The following C2CD2 variants were observed in gnomAD, a reference collection of about 807,000 sequenced individuals.
C2CD2 encodes C2 calcium dependent domain containing 2.
A neutral mutation model predicts 74.3 loss-of-function variants in C2CD2; 43 were observed. The ratio of observed to expected loss-of-function variants is 0.58; its 90% confidence interval spans 0.45 to 0.75. C2CD2 has a LOEUF of 0.75. Among genes scored for constraint, C2CD2 ranks in the 30% least tolerant of loss-of-function variants. The pLI is 0.00. For missense variants in C2CD2, 801 were observed against 916.3 expected, an observed-to-expected ratio of 0.87 and a Z score of 1.63; for synonymous variants, 422 against 390.7, an observed-to-expected ratio of 1.08 and a Z score of -0.94.
chr21:41,942,433 G>A (rs1292714402), intron 1 of C2CD2, among the ~76,000 whole-genome samples, 188 bp from the exon 2 acceptor site: 1 of 152,252 alleles, frequency 6.6e-6, no homozygotes. Context: ...AGCTGGTGAT[G>A]GATTGTGCTC....
intron 1 of C2CD2, among the ~76,000 whole-genome samples, chr21:41,944,720 C>T (rs1318126830): frequency 1.3e-5 from 2 of 152,152 alleles, no homozygotes; most frequent in Middle Eastern, 3.2e-3. Context: ...ATCTCTGCTG[C>T]TGTGTCAATG....
At position 41,912,345 on chromosome 21, in the gene C2CD2, C is replaced by T; in HGVS notation, c.940G>A (p.Glu314Lys). 6.2e-7 allele frequency: 1 copy of T among 1,610,538 alleles called. No individual in the cohort carries two copies. The highest frequency in any genetic ancestry group is 8.5e-7 in the Non-Finnish European group (1 of 1,178,342). Residue 314 changes from glutamate (E) to lysine (K), a missense_variant, in exon 7 of 14, where the codon GAG becomes AAG. Coordinates refer to ENST00000380486, the MANE Select transcript of C2CD2 (RefSeq NM_015500.2). ...TKNTPDLMWEEEFTFELNAKS... is the reference protein window; with the variant it reads ...TKNTPDLMWEKEFTFELNAKS... ...GGCCAGACTCACAAGGTGAATTCCT[C>T]TTCCCACATGAGGTCCGGAGTGTTT...
At chr21:41,937,918 C>A (rs1435311381) in intron 2 of C2CD2, among the ~76,000 whole-genome samples, 5 of 152,114 alleles carry the variant, frequency 3.3e-5, no homozygotes, top group Non-Finnish European at 7.3e-5. Context: ...CTCAAAGAAA[C>A]CAAGAGCAGA....
In C2CD2 at chr21:41,945,125, C is replaced by T. The variant is rs1214583434; in HGVS notation, c.280-2880G>A. Among the ~76,000 whole-genome samples, 1 of 152,178 alleles carries T rather than the reference C, an allele frequency of 6.6e-6. No homozygotes were observed. The highest frequency in any genetic ancestry group is 1.9e-4 in the East Asian group (1 of 5,198). ...ACACATAAGTAGTAAGTAAATAAGACAGCAGGTGTGCAATGTCTTACTCTT... is the reference window on the plus strand; with the variant it reads ...ACACATAAGTAGTAAGTAAATAAGATAGCAGGTGTGCAATGTCTTACTCTT... On this transcript the variant is annotated intron_variant, in intron 1 of 13. Transcript: ENST00000380486. The surrounding 1 kb of genome is among the most constrained non-coding windows in gnomAD (Gnocchi z 4.2).
intron 2 of C2CD2, 58 bp from the exon 3 acceptor site, chr21:41,922,143 A>C (rs904688143): frequency 1.0e-6 from 1 of 967,318 alleles, no homozygotes; most frequent in Non-Finnish European, 1.6e-6. Flanking sequence ...CAGCGCGTGC[A>C]TACGCATCTT....
chr21:41,889,266 T>G lies in C2CD2; in HGVS notation c.1949A>C (p.His650Pro). ...QQKDPGMSQS[H>P]NDLVFLEQPE... ...CTGCTCCAGGAACACAAGGTCATTG[T>G]GTGACTGACTCATGCCTGGGTCTTT... The change falls in exon 14 of 14, where the codon CAC (histidine) becomes CCC (proline). Residue 650 changes from histidine (H) to proline (P), a missense_variant. Coordinates refer to ENST00000380486, the MANE Select transcript of C2CD2 (RefSeq NM_015500.2). 6.2e-7 allele frequency: 1 copy of G among 1,614,064 alleles called. No homozygotes were observed. Among genetic ancestry groups the G allele is most frequent in the Non-Finnish European group, 8.5e-7 (1 of 1,180,000 alleles).
chr21:41,917,739 G>T (rs979329853), intron 5 of C2CD2, among the ~76,000 whole-genome samples: 2 of 152,094 alleles, frequency 1.3e-5, no homozygotes, highest in African/African-American at 4.8e-5. Flanking sequence ...GCAGCAGGCC[G>T]GCCCTAGCCC....
rs1434399309 is a variant in C2CD2, at chr21:41,928,068, T to G, written c.379-5983A>C. On this transcript the variant is annotated intron_variant, in intron 2 of 13. Coordinates refer to ENST00000380486, the MANE Select transcript of C2CD2 (RefSeq NM_015500.2). ...CAGAAAGATCTGTTTGTGAATGTGT[T>G]GTCTTTCATCAAGTTTACACTAAAA... Among the ~76,000 whole-genome samples the G allele has an allele frequency of 2.0e-5, 3 of 152,266 alleles. No individual in the cohort carries two copies. The East Asian group carries it at 5.8e-4, about 29-fold the overall frequency.
rs1339707154 is a variant in C2CD2, at chr21:41,886,698, T to C, written c.*2426A>G. The C allele has an allele frequency of 6.6e-6, 1 of 151,418 alleles. No homozygotes were observed. 9.4% of individuals were successfully genotyped at this position (151,418 alleles called of 1,614,324 possible). A position where few individuals can be genotyped will look rare whatever the true frequency, so the allele number is the denominator to read the frequency against. ...GAGAGCAAGAAGGCTTAATATAAAA[T>C]CCTGGGGCCGGCCTGGTGGCTCATG... On this transcript the variant is annotated 3_prime_UTR_variant, in exon 14 of 14. Coordinates refer to ENST00000380486, the MANE Select transcript of C2CD2 (RefSeq NM_015500.2).
chr21:41,897,166 G>A (rs1180692156), intron 13 of C2CD2, among the ~76,000 whole-genome samples: 2 of 152,220 alleles, frequency 1.3e-5, no homozygotes, highest in African/African-American at 2.4e-5. Flanking sequence ...GGAAACCCAG[G>A]GAAAGACCTC....
At chr21:41,927,060 G>A (rs955555353) in intron 2 of C2CD2, among the ~76,000 whole-genome samples, 3 of 152,150 alleles carry the variant, frequency 2.0e-5, no homozygotes, top group African/African-American at 7.2e-5. Context: ...CTGGAACTGG[G>A]ACTCAATTTA....
intron 2 of C2CD2, among the ~76,000 whole-genome samples, chr21:41,922,825 C>T (rs2065170000): frequency 6.6e-6 from 1 of 152,146 alleles, no homozygotes; most frequent in Non-Finnish European, 1.5e-5. Flanking sequence ...AGCAAGGATA[C>T]AAATTTAGAG....
At position 41,895,419 on chromosome 21, in the gene C2CD2, T is replaced by C. The variant is rs1484420572; in HGVS notation, c.1870+3634A>G. Among the ~76,000 whole-genome samples, 1 of 152,186 alleles carries C rather than the reference T, an allele frequency of 6.6e-6. No individual in the cohort carries two copies. The highest frequency in any genetic ancestry group is 2.4e-5 in the African/African-American group (1 of 41,448). ...GTGAAGTTCACACTACGGTCAACAA[T>C]AGCCGGGGCCATGTTGATTGCATGA... On this transcript the variant is annotated intron_variant, in intron 13 of 13. Coordinates refer to ENST00000380486, the MANE Select transcript of C2CD2 (RefSeq NM_015500.2). The surrounding 1 kb of genome is among the most constrained non-coding windows in gnomAD (Gnocchi z 5.0).
rs369460 is a variant in C2CD2, at chr21:41,924,944, G to C, written c.379-2859C>G. On this transcript the variant is annotated intron_variant, in intron 2 of 13. Transcript: ENST00000380486. The surrounding 1 kb of genome is among the most constrained non-coding windows in gnomAD (Gnocchi z 4.4). ...AAGCAAGCAAATAAATAAGTAAATA[G>C]ATAAAAAGACTTTAAAACTTCTAGA... Among the ~76,000 whole-genome samples, 104,837 of 152,078 alleles carry C rather than the reference G, an allele frequency of 0.69. 36,521 individuals carry two copies. The highest frequency in any genetic ancestry group is 0.82 in the East Asian group (4,266 of 5,176).
At chr21:41,907,818 T>C in intron 8 of C2CD2, 34 bp from the exon 9 acceptor site, 1 of 1,613,366 alleles carries the variant, frequency 6.2e-7, no homozygotes, top group Non-Finnish European at 8.5e-7. Context: ...GGGGTGCCGC[T>C]GATGTTTCCC....
chr21:41,930,451 C>G (rs1238660796), intron 2 of C2CD2, among the ~76,000 whole-genome samples: 1 of 150,184 alleles, frequency 6.7e-6, no homozygotes, highest in Non-Finnish European at 1.5e-5. Context: ...ACCTGTTATC[C>G]TAGCACTTTG....
chr21:41,952,747 G>A (rs1396804832), intron 1 of C2CD2, among the ~76,000 whole-genome samples: 4 of 152,232 alleles, frequency 2.6e-5, no homozygotes, highest in Non-Finnish European at 5.9e-5. Context: ...GTGGCACTGG[G>A]CAGGCTGCTT....
At position 41,939,463 on chromosome 21, in the gene C2CD2, A is replaced by C. The variant is rs60812910; in HGVS notation, c.378+2684T>G. Reference sequence around the variant, plus strand: ...GAAACCACCCAGCCACAAAGGGATGAAGTCTCTATTTGCCACAAATAGAGA... The same window carrying C: ...GAAACCACCCAGCCACAAAGGGATGCAGTCTCTATTTGCCACAAATAGAGA... On this transcript the variant is annotated intron_variant, in intron 2 of 13. Coordinates refer to ENST00000380486, the MANE Select transcript of C2CD2 (RefSeq NM_015500.2). This position sits in a 1 kb window ranked among gnomAD's most constrained non-coding sequence, Gnocchi z 5.5. Among the ~76,000 whole-genome samples, 5,362 of 152,262 alleles carry C rather than the reference A, an allele frequency of 0.035. 133 individuals are homozygous for C. The highest frequency in any genetic ancestry group is 0.075 in the African/African-American group (3,136 of 41,542).
At chr21:41,891,056 G>A (rs550685558) in intron 13 of C2CD2, among the ~76,000 whole-genome samples, 1 of 152,248 alleles carries the variant, frequency 6.6e-6, no homozygotes, top group East Asian at 1.9e-4. Flanking sequence ...GTGTCATTTG[G>A]ACATTTTTTA....
Sources: gnomAD v4.1 joint callset for allele counts (sites outside exome capture counted in the v4.1 genomes callset) on GRCh38, gnomAD v4.1.1 for gene constraint, Gnocchi (gnomAD v3.1) non-coding constraint, MANE v1.5 for transcripts, NCBI Gene and HGNC (gene_info 2026-07-23, HGNC 2026-07-21) for gene names.